DISC1: variants seen among roughly 807,000 people sequenced by gnomAD.
DISC1 encodes the protein DISC1 scaffold protein, also known as disrupted in schizophrenia 1 protein.
DISC1 carries 57 observed loss-of-function variants against 84.5 expected under a neutral mutation model. The observed-to-expected ratio is 0.67, with a 90% CI of 0.55 to 0.84. The LOEUF (loss-of-function observed/expected upper bound fraction) is 0.84. Ranked by LOEUF, DISC1 falls within the 40% of genes least tolerant of loss-of-function variation. The pLI, the probability that DISC1 is intolerant of heterozygous loss-of-function variation, is 0.00. For missense variants in DISC1, 1,000 were observed against 1,057.8 expected (o/e 0.95, Z 0.76); for synonymous variants, 411 against 415.2 (o/e 0.99, Z 0.12).
intron 1 of DISC1, among the ~76,000 whole-genome samples, chr1:231,628,186 AC>A (rs1449130646): frequency 6.6e-6 from 1 of 152,236 alleles, no homozygotes; most frequent in African/African-American, 2.4e-5. Flanking sequence ...TCGGCATGGT[AC>A]ATGAAGTCCT....
At chr1:231,810,838 A>G (rs1343333329) in intron 8 of DISC1, among the ~76,000 whole-genome samples, 3 of 152,208 alleles carry the variant, frequency 2.0e-5, no homozygotes, top group African/African-American at 7.2e-5. Flanking sequence ...CAATTGTTAC[A>G]GAAGTTATTA....
At chr1:231,794,892 T>C (rs2078638142) in intron 6 of DISC1, among the ~76,000 whole-genome samples, 1 of 152,198 alleles carries the variant, frequency 6.6e-6, no homozygotes, top group South Asian at 2.1e-4. Context: ...GGTGAGACAC[T>C]ACTCAGTGTA....
chr1:231,657,042 G>A lies in DISC1; in HGVS notation c.67+30108G>A, dbSNP rs533691918. Among the ~76,000 whole-genome samples the A allele has an allele frequency of 1.6e-4, 24 of 152,230 alleles. No homozygotes were observed. The East Asian group carries it at 4.4e-3, about 28-fold the overall frequency. On this transcript the variant is annotated intron_variant, in intron 1 of 12. Coordinates refer to ENST00000439617, the MANE Select transcript of DISC1 (RefSeq NM_018662.3). Reference sequence around the variant, plus strand: ...TTATTTATCCAGTCCATCATTGATGGGCATTTAGATTGATTTTATATCTTT... The same window carrying A: ...TTATTTATCCAGTCCATCATTGATGAGCATTTAGATTGATTTTATATCTTT...
At chr1:231,843,115 T>C (rs901586671) in intron 9 of DISC1, among the ~76,000 whole-genome samples, 5 of 150,728 alleles carry the variant, frequency 3.3e-5, no homozygotes, top group African/African-American at 1.2e-4. Flanking sequence ...GATGGGGGGG[T>C]ATGAAAAGCC....
intron 11 of DISC1, among the ~76,000 whole-genome samples, chr1:232,024,579 A>G (rs890162030): frequency 5.9e-5 from 9 of 152,016 alleles, no homozygotes; most frequent in African/African-American, 2.2e-4. Context: ...TACGTATCTT[A>G]ATAGTTTCCC....
chr1:231,876,140 C>G (rs752032252), intron 9 of DISC1, among the ~76,000 whole-genome samples: 1 of 152,120 alleles, frequency 6.6e-6, no homozygotes, highest in Non-Finnish European at 1.5e-5. Context: ...GAGGTAGGGA[C>G]CTGGGGGGAA....
chr1:231,695,660 A>G (rs1313387104), intron 2 of DISC1, among the ~76,000 whole-genome samples: 1 of 150,650 alleles, frequency 6.6e-6, no homozygotes, highest in Non-Finnish European at 1.5e-5. Flanking sequence ...CTGTGTGTTC[A>G]TGTGTGTGTG....
intron 8 of DISC1, among the ~76,000 whole-genome samples, chr1:231,816,788 C>G (rs2081033155): frequency 6.6e-6 from 1 of 152,054 alleles, no homozygotes; most frequent in Non-Finnish European, 1.5e-5. Context: ...GCCATATTAC[C>G]TTGATTTATA....
At chr1:231,664,573 A>G (rs1463605225) in intron 1 of DISC1, among the ~76,000 whole-genome samples, 2 of 152,174 alleles carry the variant, frequency 1.3e-5, no homozygotes, top group Non-Finnish European at 2.9e-5. Flanking sequence ...AAAGTCAGAG[A>G]GAGATTTGAA....
At chr1:231,715,229 G>A (rs115688540) in intron 3 of DISC1, among the ~76,000 whole-genome samples, 2,525 of 152,262 alleles carry the variant, frequency 0.017, 24 homozygotes, top group Non-Finnish European at 0.027. Flanking sequence ...AACTGGTGCA[G>A]TGCAGATAAA....
intron 1 of DISC1, among the ~76,000 whole-genome samples, chr1:231,673,211 T>G (rs901589438): frequency 1.3e-5 from 2 of 152,210 alleles, no homozygotes; most frequent in African/African-American, 4.8e-5. Context: ...TTTTAGTGCT[T>G]TATTACTTCC....
At chr1:231,933,835 C>T (rs1285260723) in intron 9 of DISC1, among the ~76,000 whole-genome samples, 5 of 152,276 alleles carry the variant, frequency 3.3e-5, no homozygotes, top group Non-Finnish European at 5.9e-5. Context: ...GGTCAGAGTT[C>T]TGTCATTGGC....
At chr1:232,020,800 A>G (rs946047748) in intron 11 of DISC1, among the ~76,000 whole-genome samples, 3 of 152,234 alleles carry the variant, frequency 2.0e-5, no homozygotes. Flanking sequence ...GTAGCTTTCT[A>G]TGAAGGCTTA....
intron 5 of DISC1, among the ~76,000 whole-genome samples, chr1:231,770,277 T>G (rs1260837850): frequency 5.0e-5 from 4 of 80,178 alleles, no homozygotes; most frequent in African/African-American, 1.4e-4. Flanking sequence ...TTTGCTATAT[T>G]CGTAGAAATT....
intron 9 of DISC1, among the ~76,000 whole-genome samples, chr1:231,924,224 G>C (rs1378889854): frequency 1.3e-5 from 2 of 152,218 alleles, no homozygotes; most frequent in Non-Finnish European, 2.9e-5. Context: ...GGTAAAGCCT[G>C]CCTCCTTTGC....
intron 10 of DISC1, among the ~76,000 whole-genome samples, chr1:231,979,961 T>C (rs1401566312): frequency 6.6e-6 from 1 of 152,138 alleles, no homozygotes; most frequent in African/African-American, 2.4e-5. Context: ...AATAAGCTTA[T>C]GGGCTTATTA....
chr1:231,688,762 T>C (rs998831468), intron 1 of DISC1, among the ~76,000 whole-genome samples: 4 of 152,230 alleles, frequency 2.6e-5, no homozygotes, highest in Non-Finnish European at 4.4e-5. Context: ...GATGGTGTCT[T>C]GTTTATGTCT....
intron 6 of DISC1, among the ~76,000 whole-genome samples, chr1:231,781,007 T>G: frequency 1.2e-5 from 1 of 86,722 alleles, no homozygotes; most frequent in South Asian, 5.0e-4. Context: ...CTGGGGACTG[T>G]TGTGGGGTGG....
At chr1:231,627,182 G>T (rs542365503) in intron 1 of DISC1, among the ~76,000 whole-genome samples, 1 of 152,310 alleles carries the variant, frequency 6.6e-6, no homozygotes, top group South Asian at 2.1e-4. Context: ...CGATCCCCGG[G>T]ACCCGCAGTT....
Sources: gnomAD v4.1 joint callset for allele counts (sites outside exome capture counted in the v4.1 genomes callset) on GRCh38, gnomAD v4.1.1 for gene constraint, MANE v1.5 for transcripts, NCBI Gene and HGNC (gene_info 2026-07-23, HGNC 2026-07-21) for gene names.